Variants in SLIT3 observed in about 807,000 individuals in gnomAD.
The protein encoded by SLIT3 is slit homolog 3 protein.
In SLIT3, 68 loss-of-function variants were observed where a neutral mutation model predicts 184.0. That is an observed-to-expected ratio of 0.37 (90% confidence interval 0.30 to 0.45). SLIT3 has a LOEUF of 0.45. SLIT3 is among the 20% of genes least tolerant of loss of function. The pLI, the probability that SLIT3 is intolerant of heterozygous loss-of-function variation, is 1.00. For synonymous variants in SLIT3, 831 were observed against 828.6 expected (o/e 1.00, Z -0.05); for missense variants, 1,707 against 2,026.0 (o/e 0.84, Z 3.02).
In SLIT3 at chr5:168,795,417, C is replaced by T; in HGVS notation, c.1007+90G>A. ...ACTGCCCAGGAGGAATGGACATGGTCCGTCACCTGGACAGGTTGCCCACTA... is the reference window on the plus strand; with the variant it reads ...ACTGCCCAGGAGGAATGGACATGGTTCGTCACCTGGACAGGTTGCCCACTA... On this transcript the variant is annotated intron_variant, in intron 10 of 35. Transcript: ENST00000519560. The T allele has an allele frequency of 3.2e-6, 3 of 938,338 alleles. No homozygotes were observed. In the Admixed American group the frequency reaches 5.1e-5, roughly 16 times the overall value. 58.1% of individuals were successfully genotyped at this position (938,338 alleles called of 1,614,324 possible). A position where few individuals can be genotyped will look rare whatever the true frequency, so the allele number is the denominator to read the frequency against.
chr5:169,207,731 A>G (rs1170665268), intron 3 of SLIT3, among the ~76,000 whole-genome samples: 1 of 152,090 alleles, frequency 6.6e-6, no homozygotes, highest in Non-Finnish European at 1.5e-5. Flanking sequence ...CCCCACTAAA[A>G]TTCACATTCA....
chr5:169,262,460 A>G (rs1766225777), intron 1 of SLIT3, among the ~76,000 whole-genome samples: 1 of 152,188 alleles, frequency 6.6e-6, no homozygotes, highest in South Asian at 2.1e-4. Context: ...GGAAGAATGG[A>G]AACAAAAAGG....
At chr5:168,859,716 T>C (rs1463706625) in intron 5 of SLIT3, among the ~76,000 whole-genome samples, 1 of 152,248 alleles carries the variant, frequency 6.6e-6, no homozygotes, top group African/African-American at 2.4e-5. Flanking sequence ...ACTTGAGATC[T>C]GACGGCATTT....
chr5:169,021,790 C>T (rs754571262), intron 4 of SLIT3, among the ~76,000 whole-genome samples: 1 of 152,208 alleles, frequency 6.6e-6, no homozygotes, highest in African/African-American at 2.4e-5. Flanking sequence ...AGAATAAAGA[C>T]ATTAATTCTT....
chr5:168,952,528 C>CAAAAAAAAAAAAAAAAAAA lies in SLIT3; in HGVS notation c.414-69211_414-69193dup, dbSNP rs372134778. Among the ~76,000 whole-genome samples, 120 of 77,896 alleles carry CAAAAAAAAAAAAAAAAAAA rather than the reference C, an allele frequency of 1.5e-3. 2 individuals are homozygous for CAAAAAAAAAAAAAAAAAAA. Among genetic ancestry groups the CAAAAAAAAAAAAAAAAAAA allele is most frequent in the African/African-American group, 6.8e-3 (115 of 17,018 alleles). The allele number at this position is 77,896 out of a possible 152,430, so 51.1% of individuals were successfully genotyped here. On this transcript the variant is annotated intron_variant, in intron 4 of 35. Transcript: ENST00000519560. ...AATCTCAGAGAAGAAGGGAAAATGC[C>CAAAAAAAAAAAAAAAAAAA]AAAAAAAAAAAAAAAAAAAAGAGGG...
At chr5:168,804,300 A>G in intron 9 of SLIT3, among the ~76,000 whole-genome samples, 1 of 108,616 alleles carries the variant, frequency 9.2e-6, no homozygotes, top group Non-Finnish European at 1.8e-5. Flanking sequence ...AGAAGAGTGA[A>G]ACTCTTTCTC....
intron 1 of SLIT3, among the ~76,000 whole-genome samples, chr5:169,283,577 T>C (rs1047529144): frequency 6.6e-6 from 1 of 152,166 alleles, no homozygotes; most frequent in Non-Finnish European, 1.5e-5. Flanking sequence ...GAAAGGCTGC[T>C]GCTAGGAAGA....
At chr5:168,710,608 G>GAAAAAA (rs112134323) in intron 25 of SLIT3, among the ~76,000 whole-genome samples, 1 of 138,882 alleles carries the variant, frequency 7.2e-6, no homozygotes, top group Non-Finnish European at 1.6e-5. Context: ...TACAAAAGAT[G>GAAAAAA]AAAAAAAAAA....
In SLIT3 at chr5:168,697,565, A is replaced by T. The variant is rs148638302; in HGVS notation, c.2943-1134T>A. On this transcript the variant is annotated intron_variant, in intron 27 of 35. Transcript: ENST00000519560. ...GCTTCAGCTTCAGATCTGGAATTTCAGGTTTCAGAGATTGCTCTGACTTGG... is the reference window on the plus strand; with the variant it reads ...GCTTCAGCTTCAGATCTGGAATTTCTGGTTTCAGAGATTGCTCTGACTTGG... 4.3e-4 allele frequency among the ~76,000 whole-genome samples: 66 copies of T among 152,338 alleles called. 2 individuals carry two copies. The South Asian group carries it at 5.4e-3, about 12-fold the overall frequency.
intron 4 of SLIT3, among the ~76,000 whole-genome samples, chr5:168,996,614 G>C (rs879658685): frequency 2.0e-5 from 3 of 152,132 alleles, no homozygotes. Context: ...TATTGATTTC[G>C]ATCCCCAACA....
intron 4 of SLIT3, among the ~76,000 whole-genome samples, chr5:169,066,083 G>A (rs900309863): frequency 5.9e-5 from 9 of 152,184 alleles, no homozygotes; most frequent in African/African-American, 2.2e-4. Flanking sequence ...GCAAATCCAG[G>A]ACTCAAACAC....
At chr5:169,224,512 C>T (rs1764731916) in intron 3 of SLIT3, among the ~76,000 whole-genome samples, 1 of 151,406 alleles carries the variant, frequency 6.6e-6, no homozygotes, top group Non-Finnish European at 1.5e-5. Context: ...AGACTACAAG[C>T]GTGCACTACC....
intron 14 of SLIT3, among the ~76,000 whole-genome samples, chr5:168,764,931 C>T (rs956994074): frequency 1.3e-5 from 2 of 152,198 alleles, no homozygotes; most frequent in Admixed American, 6.5e-5. Flanking sequence ...GAGTCCTGGG[C>T]GAATTTCATT....
rs1327398269 is a variant in SLIT3, at chr5:169,265,401, A to G, written c.198-13942T>C. Among the ~76,000 whole-genome samples the G allele has an allele frequency of 2.6e-5, 4 of 152,336 alleles. No individual in the cohort carries two copies. The East Asian group carries it at 5.8e-4, about 22-fold the overall frequency. ...CAAATAACAATGGATTTTAGTGGCC[A>G]TCATAAGCTGGTACTAAGAGGCAAT... On this transcript the variant is annotated intron_variant, in intron 1 of 35. Transcript: ENST00000519560.
chr5:169,043,393 G>A (rs750894893), intron 4 of SLIT3, among the ~76,000 whole-genome samples: 29 of 152,176 alleles, frequency 1.9e-4, no homozygotes, highest in Non-Finnish European at 3.7e-4. Context: ...TAATGAGTTG[G>A]TAGTTTCACT....
chr5:169,290,294 G>C (rs918966362), intron 1 of SLIT3, among the ~76,000 whole-genome samples: 1 of 149,470 alleles, frequency 6.7e-6, no homozygotes, highest in African/African-American at 2.5e-5. Flanking sequence ...CACACGCTAG[G>C]GCGCGCACCA....
At chr5:169,037,028 C>A (rs952996224) in intron 4 of SLIT3, among the ~76,000 whole-genome samples, 1 of 152,148 alleles carries the variant, frequency 6.6e-6, no homozygotes, top group Non-Finnish European at 1.5e-5. Flanking sequence ...TGGGACAAAC[C>A]ACTGCTAATT....
At chr5:169,276,879 G>A (rs1397719493) in intron 1 of SLIT3, among the ~76,000 whole-genome samples, 1 of 152,150 alleles carries the variant, frequency 6.6e-6, no homozygotes, top group African/African-American at 2.4e-5. Context: ...TGTTTCTCTT[G>A]TGATGAGATT....
At chr5:168,839,376 G>A (rs1758163639) in intron 6 of SLIT3, among the ~76,000 whole-genome samples, 2 of 152,140 alleles carry the variant, frequency 1.3e-5, no homozygotes. Context: ...AAATTGGTAG[G>A]GGTCAGTGGC....
Sources: gnomAD v4.1 joint callset for allele counts (sites outside exome capture counted in the v4.1 genomes callset) on GRCh38, gnomAD v4.1.1 for gene constraint, MANE v1.5 for transcripts, NCBI Gene and HGNC (gene_info 2026-07-23, HGNC 2026-07-21) for gene names.